Variants in FAM227B observed in about 807,000 individuals in gnomAD.
FAM227B encodes the protein family with sequence similarity 227 member B, also known as protein FAM227B.
A neutral mutation model predicts 73.8 loss-of-function variants in FAM227B; 88 were observed. That is an observed-to-expected ratio of 1.19 (90% CI 1.00 to 1.42). The LOEUF (loss-of-function observed/expected upper bound fraction) is 1.42, where lower values mean the gene tolerates loss of function less well. Ranked by LOEUF, FAM227B falls within the 40% of genes most tolerant of loss-of-function variation. FAM227B has a pLI of 0.00. For missense variants in FAM227B, 632 were observed against 590.9 expected (o/e 1.07, Z -0.72); for synonymous variants, 210 against 190.5 (o/e 1.10, Z -0.84).
chr15:49,565,144 G>A (rs747973883), intron 9 of FAM227B, among the ~76,000 whole-genome samples: 2 of 152,080 alleles, frequency 1.3e-5, no homozygotes, highest in Non-Finnish European at 1.5e-5. Context: ...AGCACTTTGG[G>A]AGGCTGAGGT....
chr15:49,415,321 A>G (rs957545582), intron 11 of FAM227B, among the ~76,000 whole-genome samples: 1 of 152,168 alleles, frequency 6.6e-6, no homozygotes, highest in African/African-American at 2.4e-5. Flanking sequence ...ATGTCCTTCT[A>G]GGGATGAAGC....
chr15:49,328,166 G>A lies in FAM227B; in HGVS notation c.*402C>T, dbSNP rs1567071731. 1.2e-6 allele frequency: 2 copies of A among 1,610,330 alleles called. No individual in the cohort carries two copies. Among genetic ancestry groups the A allele is most frequent in the East Asian group, 2.2e-5 (1 of 44,828 alleles). On this transcript the variant is annotated 3_prime_UTR_variant, in exon 16 of 16. Coordinates refer to ENST00000299338, the MANE Select transcript of FAM227B (RefSeq NM_152647.3). ...GGTTTTGCTTGAGGCCTGAAAAAATGTAAAAAGTCTGAGAGAAACTACTTA... is the reference window on the plus strand; with the variant it reads ...GGTTTTGCTTGAGGCCTGAAAAAATATAAAAAGTCTGAGAGAAACTACTTA...
At chr15:49,512,081 G>T (rs1410234662) in intron 10 of FAM227B, among the ~76,000 whole-genome samples, 2 of 152,010 alleles carry the variant, frequency 1.3e-5, no homozygotes, top group Non-Finnish European at 2.9e-5. Context: ...CAGTTCTGGG[G>T]TACATGTGCA....
chr15:49,332,083 C>A (rs568032598), intron 14 of FAM227B, among the ~76,000 whole-genome samples: 1 of 107,394 alleles, frequency 9.3e-6, no homozygotes, highest in Non-Finnish European at 1.9e-5. Context: ...CATGTGCACA[C>A]GTGCCACACA....
At chr15:49,529,273 T>C (rs1417303899) in intron 10 of FAM227B, among the ~76,000 whole-genome samples, 1 of 151,400 alleles carries the variant, frequency 6.6e-6, no homozygotes, top group East Asian at 1.9e-4. Flanking sequence ...AAACAATGGG[T>C]ACACATGGAT....
At chr15:49,493,856 G>A (rs2057339990) in intron 11 of FAM227B, among the ~76,000 whole-genome samples, 1 of 131,302 alleles carries the variant, frequency 7.6e-6, no homozygotes, top group Non-Finnish European at 1.6e-5. Context: ...AAAGGGGTCT[G>A]TGTATGTATG....
In FAM227B at chr15:49,327,848, A is replaced by G; in HGVS notation, c.*720T>C. 1.8e-6 allele frequency: 2 copies of G among 1,089,390 alleles called. No homozygotes were observed. Among genetic ancestry groups the G allele is most frequent in the Non-Finnish European group, 2.6e-6 (2 of 766,274 alleles). 67.5% of individuals were successfully genotyped at this position (1,089,390 alleles called of 1,614,324 possible). On this transcript the variant is annotated 3_prime_UTR_variant, in exon 16 of 16. Coordinates refer to ENST00000299338, the MANE Select transcript of FAM227B (RefSeq NM_152647.3). ...GATGACACCTAAAAACCCCGCATGTATTTTCTTCTTAGAACTTAGATAGGC... is the reference window on the plus strand; with the variant it reads ...GATGACACCTAAAAACCCCGCATGTGTTTTCTTCTTAGAACTTAGATAGGC...
intron 6 of FAM227B, 49 bp downstream of exon 6, chr15:49,577,580 T>C (rs1252617937): frequency 8.7e-7 from 1 of 1,150,400 alleles, no homozygotes; most frequent in Non-Finnish European, 1.3e-6. Context: ...ATTTTAGTCC[T>C]ACATAATACA....
At chr15:49,421,305 G>A (rs991660388) in intron 11 of FAM227B, among the ~76,000 whole-genome samples, 4 of 152,106 alleles carry the variant, frequency 2.6e-5, no homozygotes, top group Non-Finnish European at 4.4e-5. Flanking sequence ...AATGAATTGT[G>A]GGCCCATCCT....
At chr15:49,431,887 T>C (rs1283767142) in intron 11 of FAM227B, among the ~76,000 whole-genome samples, 1 of 151,592 alleles carries the variant, frequency 6.6e-6, no homozygotes, top group Non-Finnish European at 1.5e-5. Flanking sequence ...ACAAAACCAC[T>C]AAAATGCTGG....
At chr15:49,342,331 G>A (rs2040858442) in intron 13 of FAM227B, among the ~76,000 whole-genome samples, 1 of 152,024 alleles carries the variant, frequency 6.6e-6, no homozygotes, top group Admixed American at 6.6e-5. Context: ...TGTTTTATCT[G>A]GTATAAGAAT....
At chr15:49,565,503 A>G (rs1031391390) in intron 9 of FAM227B, among the ~76,000 whole-genome samples, 3 of 152,296 alleles carry the variant, frequency 2.0e-5, no homozygotes, top group South Asian at 2.1e-4. Context: ...GAAAAACACA[A>G]TATTTTTATA....
Position 49,508,220 on chromosome 15 carries a change from T to A in FAM227B, c.1003A>T (p.Ile335Leu). The A allele has an allele frequency of 1.2e-6, 2 of 1,606,460 alleles. No homozygotes were observed. Among genetic ancestry groups the A allele is most frequent in the African/African-American group, 1.3e-5 (1 of 74,542 alleles). Residue 335 changes from isoleucine to leucine, a missense_variant, in exon 11 of 16, where the codon ATA becomes TTA. Ile to Leu is a conservative substitution (Grantham distance 5, BLOSUM62 2). Coordinates refer to ENST00000299338, the MANE Select transcript of FAM227B (RefSeq NM_152647.3). The part of the protein sequence containing the change: ...KERIADSQEH[I>L]STSIDFNIIK... ...CAGAAACTTTACTTACTAGTTGATA[T>A]ATGTTCTTGACTGTCTGCAATTCTT...
intron 11 of FAM227B, chr15:49,485,622 AG>A (rs1480278300): frequency 6.6e-6 from 1 of 152,516 alleles, no homozygotes; most frequent in African/African-American, 2.4e-5. Flanking sequence ...AAATCCTGGA[AG>A]GCAGACAAAA....
chr15:49,434,915 G>A (rs1030667628), intron 11 of FAM227B, among the ~76,000 whole-genome samples: 37 of 151,034 alleles, frequency 2.4e-4, no homozygotes, highest in African/African-American at 8.5e-4. Flanking sequence ...TCCTTTAAAG[G>A]GAAATTTTAA....
In FAM227B at chr15:49,541,286, A is replaced by C. The variant is rs1265375508; in HGVS notation, c.874+394T>G. Among the ~76,000 whole-genome samples the C allele has an allele frequency of 2.6e-5, 4 of 152,096 alleles. No homozygotes were observed. In the East Asian group the frequency reaches 7.7e-4, roughly 29 times the overall value. ...ATTCACAAACAGGTTTTCCTTGATT[A>C]ATGTTCTCTGAGAAATTAAATTATT... is the stretch of plus-strand genomic sequence containing the variant. On this transcript the variant is annotated intron_variant, in intron 10 of 15. Transcript: ENST00000299338.
At chr15:49,587,025 G>A (rs1401763953) in intron 5 of FAM227B, among the ~76,000 whole-genome samples, 8 of 151,982 alleles carry the variant, frequency 5.3e-5, no homozygotes, top group Admixed American at 2.0e-4. Flanking sequence ...AAAGACACAT[G>A]CAAATACATG....
intron 11 of FAM227B, among the ~76,000 whole-genome samples, chr15:49,458,998 C>A (rs1157452813): frequency 6.6e-6 from 1 of 152,038 alleles, no homozygotes; most frequent in African/African-American, 2.4e-5. Context: ...GTTTGATTGT[C>A]CTTCATTTCT....
At chr15:49,552,227 A>G (rs1447557086) in intron 9 of FAM227B, among the ~76,000 whole-genome samples, 1 of 152,124 alleles carries the variant, frequency 6.6e-6, no homozygotes, top group African/African-American at 2.4e-5. Context: ...TCTTTCCTTC[A>G]TGTTTGAAGG....
Sources: allele counts gnomAD v4.1 joint callset (sites outside exome capture counted in the v4.1 genomes callset), GRCh38; gene constraint gnomAD v4.1.1; transcripts MANE v1.5; gene names NCBI Gene and HGNC (gene_info 2026-07-23, HGNC 2026-07-21).